Variants in ST6GALNAC3 observed in about 807,000 individuals in gnomAD.
ST6GALNAC3 encodes the protein alpha-N-acetylgalactosaminide alpha-2,6-sialyltransferase 3.
A neutral mutation model predicts 32.7 loss-of-function variants in ST6GALNAC3; 25 were observed. The ratio of observed to expected loss-of-function variants is 0.76; its 90% CI spans 0.56 to 1.07. The LOEUF (loss-of-function observed/expected upper bound fraction) is 1.07. Among genes scored for constraint, ST6GALNAC3 ranks in the 50% least tolerant of loss-of-function variants. The pLI, the probability that ST6GALNAC3 is intolerant of heterozygous loss-of-function variation, is 0.00. For synonymous variants in ST6GALNAC3, 129 were observed against 133.1 expected, an observed-to-expected ratio of 0.97 and a Z score of 0.21; for missense variants, 355 against 382.4, an observed-to-expected ratio of 0.93 and a Z score of 0.60.
chr1:76,397,523 C>T (rs1653067175), intron 2 of ST6GALNAC3, among the ~76,000 whole-genome samples: 1 of 144,806 alleles, frequency 6.9e-6, no homozygotes, highest in Non-Finnish European at 1.5e-5. Context: ...GCACGCACCA[C>T]CAGGCCCAGC....
At chr1:76,447,833 T>C (rs6657805) in intron 3 of ST6GALNAC3, among the ~76,000 whole-genome samples, 54,068 of 151,970 alleles carry the variant, frequency 0.36, 11,671 homozygotes, top group East Asian at 0.52. Flanking sequence ...AGAGGATGTA[T>C]GGAAACACCT....
chr1:76,411,334 A>G (rs1654221609), intron 2 of ST6GALNAC3, among the ~76,000 whole-genome samples: 1 of 152,124 alleles, frequency 6.6e-6, no homozygotes, highest in Non-Finnish European at 1.5e-5. Context: ...TAGACTAACT[A>G]TAGAGACTGT....
intron 1 of ST6GALNAC3, among the ~76,000 whole-genome samples, chr1:76,203,251 G>A (rs376647938): frequency 2.5e-4 from 38 of 152,242 alleles, no homozygotes; most frequent in Admixed American, 1.2e-3. Context: ...CAGAATCTGC[G>A]CAGGGGGTGC....
intron 3 of ST6GALNAC3, among the ~76,000 whole-genome samples, chr1:76,533,737 C>A (rs1570141591): frequency 1.3e-5 from 2 of 152,240 alleles, no homozygotes; most frequent in East Asian, 3.9e-4. Context: ...TGTATCTATC[C>A]CAGGATATTT....
At chr1:76,245,606 T>C (rs1167341255) in intron 1 of ST6GALNAC3, among the ~76,000 whole-genome samples, 3 of 152,164 alleles carry the variant, frequency 2.0e-5, no homozygotes, top group Non-Finnish European at 4.4e-5. Context: ...TTTACCTGTG[T>C]CCCAGAGATT....
At chr1:76,180,897 A>G (rs1431464552) in intron 1 of ST6GALNAC3, among the ~76,000 whole-genome samples, 2 of 152,202 alleles carry the variant, frequency 1.3e-5, no homozygotes, top group African/African-American at 2.4e-5. Context: ...GATGCTGGAC[A>G]AGAGCTCAGG....
rs918875978 is a variant in ST6GALNAC3, at chr1:76,631,101, A to C, written c.*2295A>C. On this transcript the variant is annotated 3_prime_UTR_variant, in exon 5 of 5. Transcript: ENST00000328299. ...TTTCTCTGATGAAGACTTCTGCAGTATATTGTATCCCTCACTCTATAGCAG... is the reference window on the plus strand; with the variant it reads ...TTTCTCTGATGAAGACTTCTGCAGTCTATTGTATCCCTCACTCTATAGCAG... The C allele has an allele frequency of 1.5e-5, 13 of 865,680 alleles. No homozygotes were observed. In the Admixed American group the frequency reaches 5.0e-4, roughly 33 times the overall value. The allele number at this position is 865,680 out of a possible 1,614,324, so 53.6% of individuals were successfully genotyped here.
At chr1:76,407,113 G>A (rs1285716917) in intron 2 of ST6GALNAC3, among the ~76,000 whole-genome samples, 1 of 151,914 alleles carries the variant, frequency 6.6e-6, no homozygotes, top group Non-Finnish European at 1.5e-5. Context: ...AAAATGTCGA[G>A]ATTCATTTTA....
intron 3 of ST6GALNAC3, among the ~76,000 whole-genome samples, chr1:76,607,992 T>G (rs1222137641): frequency 6.6e-6 from 1 of 152,214 alleles, no homozygotes; most frequent in Admixed American, 6.5e-5. Context: ...ACTACTGAGA[T>G]GAGCCAATCA....
At chr1:76,589,549 T>C (rs1317155582) in intron 3 of ST6GALNAC3, among the ~76,000 whole-genome samples, 4 of 151,914 alleles carry the variant, frequency 2.6e-5, no homozygotes, top group African/African-American at 2.4e-5. Flanking sequence ...ATTCAGACAA[T>C]GAATGGCTTA....
At chr1:76,254,174 A>G (rs1462676164) in intron 1 of ST6GALNAC3, among the ~76,000 whole-genome samples, 2 of 152,178 alleles carry the variant, frequency 1.3e-5, no homozygotes, top group Non-Finnish European at 2.9e-5. Flanking sequence ...CTAAATATAC[A>G]GAATTTAGCA....
At chr1:76,402,979 C>T (rs1018294630) in intron 2 of ST6GALNAC3, among the ~76,000 whole-genome samples, 5 of 152,118 alleles carry the variant, frequency 3.3e-5, no homozygotes, top group African/African-American at 7.2e-5. Context: ...ATCATTCCAT[C>T]TTTACCAACC....
chr1:76,231,782 A>G (rs965428825), intron 1 of ST6GALNAC3, among the ~76,000 whole-genome samples: 31 of 152,204 alleles, frequency 2.0e-4, no homozygotes, highest in Non-Finnish European at 7.3e-5. Context: ...GGCTGTTGTA[A>G]ATAATGCTGC....
chr1:76,396,650 C>T (rs1185988728), intron 2 of ST6GALNAC3, among the ~76,000 whole-genome samples: 1 of 152,148 alleles, frequency 6.6e-6, no homozygotes, highest in African/African-American at 2.4e-5. Context: ...GTCTTTGAAA[C>T]TAAATTTGTT....
chr1:76,571,745 T>G (rs315020), intron 3 of ST6GALNAC3, among the ~76,000 whole-genome samples: 11,587 of 152,100 alleles, frequency 0.076, 821 homozygotes, highest in East Asian at 0.2. Flanking sequence ...CATCCTGGTA[T>G]GTACATGTTA....
intron 2 of ST6GALNAC3, among the ~76,000 whole-genome samples, chr1:76,369,039 G>A (rs1002052694): frequency 2.0e-5 from 3 of 152,096 alleles, no homozygotes; most frequent in Non-Finnish European, 4.4e-5. Flanking sequence ...AAAATTTTTA[G>A]TGAAATGTTG....
chr1:76,156,589 C>T lies in ST6GALNAC3; in HGVS notation c.18+81705C>T, dbSNP rs566568158. Among the ~76,000 whole-genome samples the T allele has an allele frequency of 3.0e-4, 46 of 151,628 alleles. No individual in the cohort carries two copies. The South Asian group carries it at 8.1e-3, about 27-fold the overall frequency. Reference sequence around the variant, plus strand: ...GAGCTGTTTCACGTGACTCCTGTGTCCCTTTGACACACCCCCATCATTGCG... The same window carrying T: ...GAGCTGTTTCACGTGACTCCTGTGTTCCTTTGACACACCCCCATCATTGCG... On this transcript the variant is annotated intron_variant, in intron 1 of 4. Transcript: ENST00000328299.
chr1:76,451,652 C>A (rs559722223), intron 3 of ST6GALNAC3, among the ~76,000 whole-genome samples: 1 of 152,102 alleles, frequency 6.6e-6, no homozygotes, highest in South Asian at 2.1e-4. Flanking sequence ...TAGGTATATT[C>A]CTAAGTTTAT....
chr1:76,474,163 A>G (rs978479172), intron 3 of ST6GALNAC3, among the ~76,000 whole-genome samples: 1 of 152,158 alleles, frequency 6.6e-6, no homozygotes, highest in Admixed American at 6.5e-5. Flanking sequence ...GAGCCTCCCC[A>G]CAATGCAGAA....
Sources: gnomAD v4.1 joint callset for allele counts (sites outside exome capture counted in the v4.1 genomes callset) on GRCh38, gnomAD v4.1.1 for gene constraint, MANE v1.5 for transcripts, NCBI Gene and HGNC (gene_info 2026-07-23, HGNC 2026-07-21) for gene names.